Variants in FLRT2 observed in about 807,000 individuals in gnomAD.
FLRT2 encodes fibronectin leucine rich transmembrane protein 2.
Under a neutral mutation model 40.0 loss-of-function variants are expected in FLRT2, and 15 were observed. The observed-to-expected ratio is 0.38, with a 90% confidence interval of 0.25 to 0.58. The LOEUF is 0.58. FLRT2 is among the 20% of genes least tolerant of loss of function. The pLI, the probability that FLRT2 is intolerant of heterozygous loss-of-function variation, is 0.71. For synonymous variants in FLRT2, 380 were observed against 336.8 expected, an observed-to-expected ratio of 1.13 and a Z score of -1.41; for missense variants, 726 against 840.0, an observed-to-expected ratio of 0.86 and a Z score of 1.68.
At position 85,638,543 on chromosome 14, in the gene FLRT2, T is replaced by A. The variant is rs1566773061; in HGVS notation, c.*15046T>A. 6.6e-6 allele frequency: 1 copy of A among 152,352 alleles called. No individual in the cohort carries two copies. The highest frequency in any genetic ancestry group is 1.9e-4 in the East Asian group (1 of 5,176). The allele number at this position is 152,352 out of a possible 1,614,324, so 9.4% of individuals were successfully genotyped here. On this transcript the variant is annotated 3_prime_UTR_variant, in exon 2 of 2. Transcript: ENST00000330753. Reference sequence around the variant, plus strand: ...CAAAAACCCTCCCAAGTAAGCCTCTTGTATGCTACTCTGTCTCAGAGTCCA... The same window carrying A: ...CAAAAACCCTCCCAAGTAAGCCTCTAGTATGCTACTCTGTCTCAGAGTCCA...
At chr14:85,531,019 G>T (rs1428462247) in intron 1 of FLRT2, 1 of 152,204 alleles carries the variant, frequency 6.6e-6, no homozygotes, top group Non-Finnish European at 1.5e-5. Flanking sequence ...GGATCTATTA[G>T]CAGTTAAACA....
intron 1 of FLRT2, among the ~76,000 whole-genome samples, chr14:85,598,960 C>G (rs1446889619): frequency 1.3e-5 from 2 of 149,784 alleles, no homozygotes; most frequent in Non-Finnish European, 3.0e-5. Context: ...CTCTGTCGCC[C>G]AGGCTGGAGT....
chr14:85,568,857 G>T (rs891213291), intron 1 of FLRT2, among the ~76,000 whole-genome samples: 1 of 152,200 alleles, frequency 6.6e-6, no homozygotes, highest in Non-Finnish European at 1.5e-5. Flanking sequence ...TATGTGGTAT[G>T]TAAATCATCT....
intron 1 of FLRT2, among the ~76,000 whole-genome samples, chr14:85,540,695 G>A (rs962914012): frequency 4.2e-4 from 62 of 148,176 alleles, no homozygotes; most frequent in African/African-American, 1.1e-3. Context: ...TGCTATTGTC[G>A]GAGTTCTGAC....
Position 85,621,578 on chromosome 14 carries a change from A to G in FLRT2, c.64A>G (p.Ile22Val), listed in dbSNP as rs1893383021. The change falls in exon 2 of 2, where the codon ATT becomes GTT. Residue 22 changes from isoleucine to valine, a missense_variant. This residue lies in a region of FLRT2 where 106 missense variants were observed against 121.2 expected (regional missense o/e 0.87). Transcript: ENST00000330753. ...TTTTTTCCTGAAGTCTTGGCTTATC[A>G]TTTCCCTGGGGCTCTACTCACAGGT... ...GAFFLKSWLI[I>V]SLGLYSQVSK... is the part of the protein sequence containing the mutation. The G allele has an allele frequency of 3.7e-6, 6 of 1,613,546 alleles. No homozygotes were observed. Among genetic ancestry groups the G allele is most frequent in the African/African-American group, 1.3e-5 (1 of 74,778 alleles).
rs1233883560 is a variant in FLRT2 at position 85,646,770 on chromosome 14, C to G, written c.*23273C>G. 1 of 152,262 alleles carries G rather than the reference C, an allele frequency of 6.6e-6. No individual in the cohort carries two copies. The highest frequency in any genetic ancestry group is 1.5e-5 in the Non-Finnish European group (1 of 68,116). The allele number at this position is 152,262 out of a possible 1,614,324, so 9.4% of individuals were successfully genotyped here. On this transcript the variant is annotated 3_prime_UTR_variant, in exon 2 of 2. Transcript: ENST00000330753. ...TAGATGAGATTGCAGGTGCCCACCA[C>G]TACACCCAGCTAATTTTTGTTTTTT...
chr14:85,547,155 C>A (rs567850828), intron 1 of FLRT2, among the ~76,000 whole-genome samples: 1 of 152,138 alleles, frequency 6.6e-6, no homozygotes, highest in African/African-American at 2.4e-5. Flanking sequence ...GTCTAAACTC[C>A]CCAGTTTGAC....
chr14:85,589,550 A>T (rs1486119635), intron 1 of FLRT2, among the ~76,000 whole-genome samples: 1 of 152,026 alleles, frequency 6.6e-6, no homozygotes, highest in East Asian at 1.9e-4. Context: ...ATTTTCTCCC[A>T]TTCTGTGGGT....
chr14:85,560,726 C>T (rs1239477510), intron 1 of FLRT2: 2 of 151,324 alleles, frequency 1.3e-5, no homozygotes, highest in African/African-American at 4.9e-5. Flanking sequence ...AGCTGAGAAA[C>T]CATAGTTGTT....
Position 85,536,929 on chromosome 14 carries a change from G to A in FLRT2, c.-377+6395G>A, listed in dbSNP as rs183608796. On this transcript the variant is annotated intron_variant, in intron 1 of 1. Transcript: ENST00000330753. Reference sequence around the variant, plus strand: ...GGATTGTACAGTCAGGCTGACTATTGTTTTGGGACTCACAATGCTGCTGAA... The same window carrying A: ...GGATTGTACAGTCAGGCTGACTATTATTTTGGGACTCACAATGCTGCTGAA... 1.6e-3 allele frequency among the ~76,000 whole-genome samples: 246 copies of A among 152,264 alleles called. 1 individual carries two copies. The highest frequency in any genetic ancestry group is 5.7e-3 in the African/African-American group (236 of 41,558).
chr14:85,558,460 G>A (rs1222878192), intron 1 of FLRT2, among the ~76,000 whole-genome samples: 1 of 152,184 alleles, frequency 6.6e-6, no homozygotes, highest in Admixed American at 6.6e-5. Context: ...CATGTTCCTG[G>A]ATAAATGTCG....
intron 1 of FLRT2, among the ~76,000 whole-genome samples, chr14:85,564,154 C>T (rs1320199841): frequency 6.6e-6 from 1 of 152,200 alleles, no homozygotes; most frequent in Non-Finnish European, 1.5e-5. Flanking sequence ...TGGCACTTGG[C>T]TACCTGCTCT....
chr14:85,649,757 T>A lies in FLRT2; in HGVS notation c.*26260T>A, dbSNP rs1330717961. ...GTCAATGGTGAGTTCTTCTTTTTTC[T>A]TTACCTGAGTTGTATCAACAGTTTC... On this transcript the variant is annotated 3_prime_UTR_variant, in exon 2 of 2. Transcript: ENST00000330753. The A allele has an allele frequency of 2.0e-5, 3 of 152,120 alleles. No homozygotes were observed. The highest frequency in any genetic ancestry group is 2.0e-4 in the Admixed American group (3 of 15,252). 9.4% of individuals were successfully genotyped at this position (152,120 alleles called of 1,614,324 possible). A position where few individuals can be genotyped will look rare whatever the true frequency, so the allele number is the denominator to read the frequency against.
Position 85,629,500 on chromosome 14 carries a change from A to G in FLRT2, c.*6003A>G, listed in dbSNP as rs2139383031. On this transcript the variant is annotated 3_prime_UTR_variant, in exon 2 of 2. Transcript: ENST00000330753. ...TTTGTTTATATAAGACCTTGTGCAA[A>G]CTGTGTGATAACGTATGTTTGCATT... is the stretch of plus-strand genomic sequence containing the variant. 6.6e-6 allele frequency: 1 copy of G among 152,356 alleles called. No homozygotes were observed. The highest frequency in any genetic ancestry group is 1.9e-4 in the East Asian group (1 of 5,188). 9.4% of individuals were successfully genotyped at this position (152,356 alleles called of 1,614,324 possible). A position where few individuals can be genotyped will look rare whatever the true frequency, so the allele number is the denominator to read the frequency against.
chr14:85,553,322 T>C (rs1889756907), intron 1 of FLRT2, among the ~76,000 whole-genome samples: 1 of 152,154 alleles, frequency 6.6e-6, no homozygotes, highest in Non-Finnish European at 1.5e-5. Context: ...TAAATTCCTG[T>C]GCCCAGTAAT....
chr14:85,592,537 C>A (rs1257476026), intron 1 of FLRT2, among the ~76,000 whole-genome samples: 1 of 151,912 alleles, frequency 6.6e-6, no homozygotes, highest in East Asian at 1.9e-4. Context: ...GGCTGTAATC[C>A]CAGCACTTTG....
At chr14:85,602,555 T>A (rs375166907) in intron 1 of FLRT2, among the ~76,000 whole-genome samples, 3 of 152,168 alleles carry the variant, frequency 2.0e-5, no homozygotes, top group South Asian at 4.1e-4. Flanking sequence ...AAAGCCAGAG[T>A]AGCTGAATGG....
intron 1 of FLRT2, among the ~76,000 whole-genome samples, chr14:85,611,965 T>C (rs1892896296): frequency 7.3e-6 from 1 of 137,650 alleles, no homozygotes; most frequent in Non-Finnish European, 1.5e-5. Flanking sequence ...TGTGTGTGTA[T>C]TGGGACCACC....
At chr14:85,590,058 AT>A (rs35439175) in intron 1 of FLRT2, among the ~76,000 whole-genome samples, 89,929 of 146,688 alleles carry the variant, frequency 0.61, 28,958 homozygotes, top group East Asian at 0.82. Context: ...TTTTGCTCAG[AT>A]TTTTTTTTTT....
Sources: gnomAD v4.1 joint callset for allele counts (sites outside exome capture counted in the v4.1 genomes callset) on GRCh38, gnomAD v4.1.1 for gene constraint, gnomAD v4.1.1 regional missense constraint, MANE v1.5 for transcripts, NCBI Gene and HGNC (gene_info 2026-07-23, HGNC 2026-07-21) for gene names.